DRC10: variants seen among roughly 807,000 people sequenced by gnomAD.
DRC10 encodes the protein IQ domain-containing protein D.
chr12:113,207,744 G>T, the DRC10 span: 1 of 1,614,078 alleles, frequency 6.2e-7, no homozygotes, highest in African/African-American at 1.3e-5. Flanking sequence ...TAAGTGGTGA[G>T]AGGCTGGATT....
chr12:113,218,197 C>T, the DRC10 span, among the ~76,000 whole-genome samples: 3 of 150,256 alleles, frequency 2.0e-5, no homozygotes, highest in African/African-American at 7.4e-5. Flanking sequence ...AGTGCCATGG[C>T]GTGATCTCGG....
At chr12:113,198,230 A>G in the DRC10 span, among the ~76,000 whole-genome samples, 5 of 151,666 alleles carry the variant, frequency 3.3e-5, no homozygotes, top group Non-Finnish European at 5.9e-5. Flanking sequence ...ATAAAAATTA[A>G]AAAAAAAATT....
chr12:113,195,794 C>T, the DRC10 span: 1,138 of 1,613,928 alleles, frequency 7.1e-4, 5 homozygotes, highest in African/African-American at 0.012. Context: ...CCCGGATCTG[C>T]GCAAACTCTC....
the DRC10 span, among the ~76,000 whole-genome samples, chr12:113,201,395 C>T: frequency 1.3e-5 from 2 of 152,188 alleles, no homozygotes; most frequent in Admixed American, 1.3e-4. Flanking sequence ...ACGTTCTTGG[C>T]CACCACTTTC....
chr12:113,197,586 G>T, the DRC10 span: 5 of 1,533,346 alleles, frequency 3.3e-6, no homozygotes, highest in Non-Finnish European at 4.4e-6. Context: ...TCCAGTTCTC[G>T]ATTTCCGTTT....
the DRC10 span, among the ~76,000 whole-genome samples, chr12:113,217,237 C>T: frequency 6.6e-6 from 1 of 152,152 alleles, no homozygotes; most frequent in Admixed American, 6.6e-5. Flanking sequence ...AGCTCAATGG[C>T]TACCCCTCCT....
At chr12:113,205,745 C>T in the DRC10 span, among the ~76,000 whole-genome samples, 4 of 143,504 alleles carry the variant, frequency 2.8e-5, no homozygotes, top group Non-Finnish European at 4.6e-5. Flanking sequence ...AAAAATTAGC[C>T]GGGCGCGGTG....
At chr12:113,217,856 A>T in the DRC10 span, among the ~76,000 whole-genome samples, 1 of 152,122 alleles carries the variant, frequency 6.6e-6, no homozygotes, top group Non-Finnish European at 1.5e-5. Flanking sequence ...ACTTTCCTGG[A>T]TAGTTCATAT....
chr12:113,202,184 T>C, the DRC10 span, among the ~76,000 whole-genome samples: 2 of 152,186 alleles, frequency 1.3e-5, no homozygotes, highest in East Asian at 3.9e-4. Context: ...TGCCCCTCTT[T>C]TGGACAGGCT....
At chr12:113,208,240 T>A in the DRC10 span, 3 of 1,515,038 alleles carry the variant, frequency 2.0e-6, no homozygotes, top group Non-Finnish European at 2.6e-6. Flanking sequence ...GGTCTCGTGC[T>A]TTTATTGTCT....
chr12:113,207,312 C>T, the DRC10 span: 1 of 819,554 alleles, frequency 1.2e-6, no homozygotes, highest in South Asian at 1.4e-5. Flanking sequence ...TACACCACTG[C>T]ACTCTAGTCT....
the DRC10 span, among the ~76,000 whole-genome samples, chr12:113,220,477 C>T: frequency 2.0e-5 from 3 of 151,112 alleles, no homozygotes; most frequent in African/African-American, 7.3e-5. Flanking sequence ...TGGCCTAGAA[C>T]TCCTGACCTC....
chr12:113,207,464 C>G, the DRC10 span: 2 of 1,613,254 alleles, frequency 1.2e-6, no homozygotes, highest in African/African-American at 1.3e-5. Context: ...TTCATTCTCT[C>G]CGCCAATTCC....
At chr12:113,210,685 A>AC in the DRC10 span, among the ~76,000 whole-genome samples, 1 of 133,596 alleles carries the variant, frequency 7.5e-6, no homozygotes, top group Non-Finnish European at 1.6e-5. Context: ...TCAGATGGAC[A>AC]CCCCCCATAA....
chr12:113,195,644 G>A, the DRC10 span: 4 of 1,613,052 alleles, frequency 2.5e-6, no homozygotes, highest in Non-Finnish European at 3.4e-6. Context: ...CTTTGCCCTT[G>A]CCCCGCTTCT....
chr12:113,200,091 C>T, the DRC10 span: 1 of 294,508 alleles, frequency 3.4e-6, no homozygotes, highest in Non-Finnish European at 6.7e-6. Context: ...CACCAGCTCT[C>T]TCACTACCAT....
At chr12:113,205,805 C>T in the DRC10 span, among the ~76,000 whole-genome samples, 2 of 144,734 alleles carry the variant, frequency 1.4e-5, no homozygotes, top group Admixed American at 7.1e-5. Context: ...AGGAGAATGG[C>T]GTGAACCCGG....
the DRC10 span, chr12:113,200,103 T>C: frequency 3.3e-6 from 1 of 302,116 alleles, no homozygotes; most frequent in South Asian, 2.7e-5. Context: ...CACTACCATC[T>C]CATGTAATTC....
At chr12:113,207,612 G>A in the DRC10 span, 9 of 1,614,148 alleles carry the variant, frequency 5.6e-6, no homozygotes, top group Non-Finnish European at 7.6e-6. Context: ...CTATCAGGCT[G>A]TCAATAAAAT....
Sources: allele counts gnomAD v4.1 joint callset (sites outside exome capture counted in the v4.1 genomes callset), GRCh38; gene constraint gnomAD v4.1.1; transcripts MANE v1.5; gene names NCBI Gene and HGNC (gene_info 2026-07-23, HGNC 2026-07-21).